The following COQ2 variants were observed in gnomAD, a reference collection of about 807,000 sequenced individuals.
The protein encoded by COQ2 is 4-hydroxybenzoate polyprenyltransferase, mitochondrial.
COQ2 carries 25 observed loss-of-function variants against 35.7 expected under a neutral mutation model. The observed-to-expected ratio is 0.70, with a 90% CI of 0.51 to 0.98. COQ2 has a LOEUF of 0.98. Among genes scored for constraint, COQ2 ranks in the 50% least tolerant of loss-of-function variants. The pLI is 0.00. For missense variants in COQ2, 488 were observed against 473.5 expected (o/e 1.03, Z -0.28); for synonymous variants, 206 against 186.2 (o/e 1.11, Z -0.86).
At chr4:83,270,394 CT>C (rs1735021231) in intron 4 of COQ2, among the ~76,000 whole-genome samples, 1 of 152,186 alleles carries the variant, frequency 6.6e-6, no homozygotes, top group South Asian at 2.1e-4. Flanking sequence ...TCTGCCTCCC[CT>C]ATCAGCTACT....
At chr4:83,268,677 TC>T (rs1378006344) in intron 5 of COQ2, among the ~76,000 whole-genome samples, 1 of 152,202 alleles carries the variant, frequency 6.6e-6, no homozygotes, top group Admixed American at 6.5e-5. Flanking sequence ...AAGCACTCAT[TC>T]CAGACCTTAC....
chr4:83,265,612 C>T (rs1734899826), intron 6 of COQ2, among the ~76,000 whole-genome samples: 1 of 151,950 alleles, frequency 6.6e-6, no homozygotes, highest in African/African-American at 2.4e-5. Context: ...CAAAACTGGA[C>T]AGAGGACCAT....
intron 2 of COQ2, among the ~76,000 whole-genome samples, chr4:83,275,086 A>G (rs1428119071): frequency 6.6e-6 from 1 of 152,202 alleles, no homozygotes; most frequent in Non-Finnish European, 1.5e-5. Flanking sequence ...TGCTCACTGA[A>G]GCATATTTAT....
intron 4 of COQ2, among the ~76,000 whole-genome samples, chr4:83,271,036 T>C (rs548335910): frequency 1.3e-5 from 2 of 152,334 alleles, no homozygotes; most frequent in South Asian, 4.1e-4. Flanking sequence ...ATTTCTTGAG[T>C]TGCTTTTAGT....
chr4:83,271,801 A>T (rs1370383938), intron 4 of COQ2, among the ~76,000 whole-genome samples: 1 of 152,166 alleles, frequency 6.6e-6, no homozygotes, highest in African/African-American at 2.4e-5. Flanking sequence ...CAACAGATCA[A>T]GACCCTGTCT....
At chr4:83,270,251 T>A (rs1735017921) in intron 4 of COQ2, among the ~76,000 whole-genome samples, 1 of 151,912 alleles carries the variant, frequency 6.6e-6, no homozygotes, top group Admixed American at 6.6e-5. Flanking sequence ...TATCCCCTAA[T>A]TAAGTAAATA....
At chr4:83,273,680 T>C in intron 2 of COQ2, 63 bp from the exon 3 acceptor site, 1 of 1,522,638 alleles carries the variant, frequency 6.6e-7, no homozygotes, top group African/African-American at 1.4e-5. Flanking sequence ...TTTAAACATT[T>C]AATGAAGAGA....
rs746100869 is a variant in COQ2 at position 83,267,712 on chromosome 4, G to C, written c.825C>G (p.Thr275=). The C allele has an allele frequency of 1.3e-6, 2 of 1,553,540 alleles. No homozygotes were observed. Among genetic ancestry groups the C allele is most frequent in the South Asian group, 2.4e-5 (2 of 84,108 alleles). The change falls in exon 6 of 7, where the codon ACC becomes ACG. Residue 275 remains threonine, a synonymous_variant. Coordinates refer to ENST00000647002, the MANE Select transcript of COQ2 (RefSeq NM_001358921.2). ...KSTALRFGEN[T]KPWLSGFSVA... ...CACTGAAGCCGCTGAGCCACGGCTTGGTATTTTCTCCGAACCGCAGAGCCG... is the reference window on the plus strand; with the variant it reads ...CACTGAAGCCGCTGAGCCACGGCTTCGTATTTTCTCCGAACCGCAGAGCCG...
chr4:83,268,328 G>A (rs1297759809), intron 5 of COQ2, among the ~76,000 whole-genome samples: 1 of 152,144 alleles, frequency 6.6e-6, no homozygotes, highest in Non-Finnish European at 1.5e-5. Flanking sequence ...GTAGAGCTAG[G>A]TCTTGATGAT....
Position 83,271,957 on chromosome 4 carries a change from G to A in COQ2, c.628+130C>T, listed in dbSNP as rs142892533. 5.3e-5 allele frequency: 33 copies of A among 619,282 alleles called. No homozygotes were observed. The African/African-American group carries it at 5.4e-4, about 10-fold the overall frequency. 38.4% of individuals were successfully genotyped at this position (619,282 alleles called of 1,614,324 possible). ...AGCTAACTGCTCTCCTTTAAAGTAC[G>A]AAAATCTACTATTGGTTAGGAAAAT... is the stretch of plus-strand genomic sequence containing the variant. On this transcript the variant is annotated intron_variant, in intron 4 of 6. Coordinates refer to ENST00000647002, the MANE Select transcript of COQ2 (RefSeq NM_001358921.2).
chr4:83,284,633 C>T lies in COQ2; in HGVS notation c.132G>A (p.Gln44=), dbSNP rs918240284. Residue 44 remains glutamine (Q), a synonymous_variant, in exon 1 of 7, where the codon CAG becomes CAA. Coordinates refer to ENST00000647002, the MANE Select transcript of COQ2 (RefSeq NM_001358921.2). ...CGCGCGGCTCGGGACAGGCGGGGGG[C>T]TGCAAGTCACCACCGTGGGGCGCGC... The part of the protein sequence containing the change: ...AAGAPHGGDL[Q]PPACPEPRGR... 1.3e-6 allele frequency: 2 copies of T among 1,508,230 alleles called. No homozygotes were observed. Among genetic ancestry groups the T allele is most frequent in the Non-Finnish European group, 1.8e-6 (2 of 1,130,604 alleles). 93.4% of individuals were successfully genotyped at this position (1,508,230 alleles called of 1,614,324 possible). A position where few individuals can be genotyped will look rare whatever the true frequency, so the allele number is the denominator to read the frequency against.
At chr4:83,264,588 G>A (rs1734866300) in intron 6 of COQ2, among the ~76,000 whole-genome samples, 1 of 152,064 alleles carries the variant, frequency 6.6e-6, no homozygotes, top group Non-Finnish European at 1.5e-5. Context: ...AATAAGCCAT[G>A]ATCACCCTAC....
At chr4:83,274,574 G>A (rs1027978074) in intron 2 of COQ2, among the ~76,000 whole-genome samples, 3 of 152,082 alleles carry the variant, frequency 2.0e-5, no homozygotes, top group African/African-American at 7.2e-5. Flanking sequence ...TATGGGTTGT[G>A]CTTTTCGTAT....
chr4:83,285,043 TA>T (rs555187136), upstream of COQ2: 160 of 668,830 alleles, frequency 2.4e-4, no homozygotes, highest in African/African-American at 2.8e-3. Flanking sequence ...GTGGTTCCAT[TA>T]TCGGGCAACA....
chr4:83,281,961 GTTTT>G (rs796667190), intron 1 of COQ2, among the ~76,000 whole-genome samples: 2 of 142,286 alleles, frequency 1.4e-5, no homozygotes, highest in African/African-American at 5.1e-5. Flanking sequence ...TCCTAGCAAT[GTTTT>G]TTTTTTTTTG....
At chr4:83,284,198 G>T (rs748736272) in intron 1 of COQ2, 19 of 985,470 alleles carry the variant, frequency 1.9e-5, no homozygotes, top group Non-Finnish European at 2.2e-5. Flanking sequence ...GAATTATCTT[G>T]CCCGCTTCAG....
intron 5 of COQ2, 75 bp from the exon 6 acceptor site, chr4:83,267,849 C>CAA: frequency 8.0e-7 from 1 of 1,242,378 alleles, no homozygotes; most frequent in Middle Eastern, 2.7e-4. Flanking sequence ...TTTGAAGTAT[C>CAA]AGATTTAGTG....
rs1326960090 is a variant in COQ2 at position 83,264,224 on chromosome 4, C to A, written c.1091G>T (p.Gly364Val). ...TTAATTTTCTATTTTATTCTCTATA[C>A]CCTTCTTTGTTTTGTCTGTCTTCTT... ...KEKKTDKTKK[G>V]IENKIEN is the part of the protein sequence containing the mutation. Residue 364 changes from glycine (G) to valine (V), a missense_variant, in exon 7 of 7, where the codon GGT (glycine) becomes GTT (valine). Coordinates refer to ENST00000647002, the MANE Select transcript of COQ2 (RefSeq NM_001358921.2). The A allele has an allele frequency of 6.6e-7, 1 of 1,519,288 alleles. No individual in the cohort carries two copies. The highest frequency in any genetic ancestry group is 9.1e-7 in the Non-Finnish European group (1 of 1,102,178). The allele number at this position is 1,519,288 out of a possible 1,614,324, so 94.1% of individuals were successfully genotyped here.
In COQ2 at chr4:83,264,349, G is replaced by A. The variant is rs571021239; in HGVS notation, c.966C>T (p.Asp322=). 7.7e-5 allele frequency: 124 copies of A among 1,607,604 alleles called. No homozygotes were observed. Among genetic ancestry groups the A allele is most frequent in the Non-Finnish European group, 9.9e-5 (116 of 1,177,424 alleles). The change falls in exon 7 of 7, where the codon GAC becomes GAT. Residue 322 remains aspartate (D), a synonymous_variant. Transcript: ENST00000647002. ...AHLTHQIYTL[D]IHRPEDCWNK... is the part of the protein sequence containing the mutation. ...TCCAACAATCCTCAGGTCTGTGGAT[G>A]TCTAGAGTGTAAATCTGCAAGAGAG...
Sources: gnomAD v4.1 joint callset for allele counts (sites outside exome capture counted in the v4.1 genomes callset) on GRCh38, gnomAD v4.1.1 for gene constraint, MANE v1.5 for transcripts, NCBI Gene and HGNC (gene_info 2026-07-23, HGNC 2026-07-21) for gene names.